The following SYNRG variants were observed in gnomAD, a reference collection of about 807,000 sequenced individuals.
SYNRG encodes AP1 gamma subunit binding protein 1.
SYNRG carries 37 observed loss-of-function variants against 130.9 expected under a neutral mutation model. The ratio of observed to expected loss-of-function variants is 0.28; its 90% CI spans 0.22 to 0.37. SYNRG has a LOEUF of 0.37. Among genes scored for constraint, SYNRG ranks in the 10% least tolerant of loss-of-function variants. SYNRG has a pLI of 1.00. For missense variants in SYNRG, 1,338 were observed against 1,588.9 expected, an observed-to-expected ratio of 0.84 and a Z score of 2.68; for synonymous variants, 539 against 568.1, an observed-to-expected ratio of 0.95 and a Z score of 0.73.
Position 37,538,351 on chromosome 17 carries a change from A to G in SYNRG, c.3490T>C (p.Ser1164Pro). ...SSSVCTEVIQ[S>P]AQGMEYLLGV... ...AATAAATATTCCATGCCTTGAGCTGACTGAATTACTTCTGTGCAAACAGAA... is the reference window on the plus strand; with the variant it reads ...AATAAATATTCCATGCCTTGAGCTGGCTGAATTACTTCTGTGCAAACAGAA... Residue 1164 changes from serine to proline, a missense_variant, in exon 18 of 22, where the codon TCA becomes CCA. This residue lies in a region of SYNRG where 1,146 missense variants were observed against 1,342.3 expected (regional missense o/e 0.85). Coordinates refer to ENST00000612223, the MANE Select transcript of SYNRG (RefSeq NM_007247.6). 1 of 1,610,244 alleles carries G rather than the reference A, an allele frequency of 6.2e-7. No individual in the cohort carries two copies. Among genetic ancestry groups the G allele is most frequent in the Non-Finnish European group, 8.5e-7 (1 of 1,178,966 alleles).
At chr17:37,551,517 G>A (rs976750987) in intron 14 of SYNRG, among the ~76,000 whole-genome samples, 1 of 151,908 alleles carries the variant, frequency 6.6e-6, no homozygotes, top group African/African-American at 2.4e-5. Context: ...TAACAGGTCA[G>A]TAAGAACAAG....
chr17:37,580,506 T>TGAGAGAGA (rs1282046342), intron 6 of SYNRG, among the ~76,000 whole-genome samples: 43 of 114,206 alleles, frequency 3.8e-4, no homozygotes, highest in East Asian at 3.1e-3. Flanking sequence ...TGTGTGTGTG[T>TGAGAGAGA]GTGTGAGAGA....
At chr17:37,606,855 T>G (rs1225055866) in intron 1 of SYNRG, among the ~76,000 whole-genome samples, 2 of 152,208 alleles carry the variant, frequency 1.3e-5, no homozygotes, top group Non-Finnish European at 2.9e-5. Context: ...TCATGGATTT[T>G]CTCCATTAAA....
intron 11 of SYNRG, chr17:37,566,977 T>C (rs1195526500): frequency 3.3e-5 from 5 of 152,186 alleles, no homozygotes; most frequent in Non-Finnish European, 7.3e-5. Flanking sequence ...CAATTACAAT[T>C]AGGGCACAGA....
intron 1 of SYNRG, among the ~76,000 whole-genome samples, chr17:37,601,228 T>C (rs981425499): frequency 1.3e-5 from 2 of 151,954 alleles, no homozygotes; most frequent in Non-Finnish European, 2.9e-5. Flanking sequence ...CCACCACGAC[T>C]GGCTAATTTT....
At chr17:37,543,818 C>T (rs917111264) in intron 14 of SYNRG, among the ~76,000 whole-genome samples, 4 of 152,118 alleles carry the variant, frequency 2.6e-5, no homozygotes, top group Non-Finnish European at 5.9e-5. Context: ...CAAAACCAGC[C>T]GAGACTGAAT....
intron 19 of SYNRG, among the ~76,000 whole-genome samples, chr17:37,535,165 T>C (rs574672876): frequency 2.0e-5 from 3 of 152,018 alleles, no homozygotes; most frequent in African/African-American, 7.2e-5. Flanking sequence ...TTCCAAGGAA[T>C]AAATGGTCAA....
intron 1 of SYNRG, among the ~76,000 whole-genome samples, chr17:37,606,395 A>G (rs1031691477): frequency 9.2e-5 from 14 of 152,252 alleles, no homozygotes; most frequent in African/African-American, 2.9e-4. Flanking sequence ...AAGATGAGGA[A>G]GCCCTCTAAA....
chr17:37,558,768 T>A (rs2059304286), intron 13 of SYNRG, among the ~76,000 whole-genome samples: 1 of 152,216 alleles, frequency 6.6e-6, no homozygotes, highest in African/African-American at 2.4e-5. Context: ...CGTCTTGACG[T>A]CTGTATCCTT....
intron 3 of SYNRG, among the ~76,000 whole-genome samples, chr17:37,589,122 A>G (rs1003358424): frequency 6.6e-6 from 1 of 152,242 alleles, no homozygotes; most frequent in African/African-American, 2.4e-5. Flanking sequence ...TAAGATTTCA[A>G]TAAGTTGAGA....
At chr17:37,583,460 A>G (rs2061480449) in intron 6 of SYNRG, among the ~76,000 whole-genome samples, 1 of 152,128 alleles carries the variant, frequency 6.6e-6, no homozygotes, top group Non-Finnish European at 1.5e-5. Context: ...AACAGAACAG[A>G]GTCAAAGTTG....
At position 37,561,477 on chromosome 17, in the gene SYNRG, G is replaced by A. The variant is rs1361790802; in HGVS notation, c.1594C>T (p.Pro532Ser). 6.2e-7 allele frequency: 1 copy of A among 1,612,626 alleles called. No individual in the cohort carries two copies. Residue 532 changes from proline (P) to serine (S), a missense_variant, in exon 12 of 22, where the codon CCT (proline) becomes TCT (serine). Pro to Ser is a moderately conservative substitution (Grantham distance 74). This residue lies in a region of SYNRG where 1,146 missense variants were observed against 1,342.3 expected (regional missense o/e 0.85). Coordinates refer to ENST00000612223, the MANE Select transcript of SYNRG (RefSeq NM_007247.6). Reference protein sequence around the residue: ...ADKSSENTVPPGDPGDKYSAF... With the variant: ...ADKSSENTVPSGDPGDKYSAF... ...GAATTTACCAACTTTTTACCTCCAG[G>A]TGGAACAGTATTTTCAGAGGACTTG...
At chr17:37,548,645 C>A (rs2058465508) in intron 14 of SYNRG, among the ~76,000 whole-genome samples, 2 of 151,132 alleles carry the variant, frequency 1.3e-5, no homozygotes, top group African/African-American at 2.4e-5. Context: ...TGGTGAAAAC[C>A]CACTTCTACT....
At chr17:37,594,193 AATTATATTAATT>A (rs2062485256) in intron 3 of SYNRG, among the ~76,000 whole-genome samples, 13 of 122,200 alleles carry the variant, frequency 1.1e-4, no homozygotes, top group African/African-American at 3.7e-4. Context: ...TAATTATTTT[AATTATATTAATT>A]ACAATATTAA....
rs546075316 is a variant in SYNRG at position 37,526,603 on chromosome 17, T to C, written c.3667-5955A>G. ...AGAAGGACTGCATTCCTTCTAGGAG[T>C]TCTAGGGGAAAATCTGTTTCCTTGC... On this transcript the variant is annotated intron_variant, in intron 19 of 21. Transcript: ENST00000612223. Among the ~76,000 whole-genome samples the C allele has an allele frequency of 9.2e-5, 14 of 152,200 alleles. No individual in the cohort carries two copies. The East Asian group carries it at 2.7e-3, about 29-fold the overall frequency.
Position 37,541,952 on chromosome 17 carries a change from C to A in SYNRG, c.3202+20G>T. The A allele has an allele frequency of 6.3e-7, 1 of 1,593,496 alleles. No homozygotes were observed. Among genetic ancestry groups the A allele is most frequent in the South Asian group, 1.1e-5 (1 of 89,682 alleles). On this transcript the variant is annotated intron_variant, in intron 15 of 21. Transcript: ENST00000612223. The stretch of plus-strand genomic sequence containing the variant: ...TGGAAAAAAACCACAATAGTAAAAT[C>A]TACCTTGGAAGCTACTCACCTTGAA...
At chr17:37,547,067 T>C (rs772779205) in intron 14 of SYNRG, among the ~76,000 whole-genome samples, 3 of 152,220 alleles carry the variant, frequency 2.0e-5, no homozygotes, top group Non-Finnish European at 2.9e-5. Context: ...AGTGACAGGC[T>C]GAAAAATGCT....
intron 20 of SYNRG, 143 bp from the exon 21 acceptor site, chr17:37,520,357 C>T: frequency 8.5e-7 from 1 of 1,172,102 alleles, no homozygotes; most frequent in Non-Finnish European, 1.3e-6. Flanking sequence ...CGCGTCCATT[C>T]CCTCCACAGC....
chr17:37,581,116 T>A (rs990663255), intron 6 of SYNRG, among the ~76,000 whole-genome samples: 11 of 152,204 alleles, frequency 7.2e-5, no homozygotes, highest in South Asian at 4.1e-4. Flanking sequence ...CTTTAAAAGA[T>A]CTTTGGCACT....
Sources: allele counts gnomAD v4.1 joint callset (sites outside exome capture counted in the v4.1 genomes callset), GRCh38; gene constraint gnomAD v4.1.1; regional missense constraint gnomAD v4.1.1; transcripts MANE v1.5; gene names NCBI Gene and HGNC (gene_info 2026-07-23, HGNC 2026-07-21).